Variants in SLC6A16 observed in about 807,000 individuals in gnomAD.
SLC6A16 encodes the protein solute carrier family 6 member 16.
SLC6A16 carries 54 observed loss-of-function variants against 65.4 expected under a neutral mutation model. The observed-to-expected ratio is 0.83, with a 90% CI of 0.66 to 1.04. The LOEUF is 1.04. Ranked by LOEUF, SLC6A16 falls within the 50% of genes least tolerant of loss-of-function variation. The pLI is 0.00. For synonymous variants in SLC6A16, 330 were observed against 346.5 expected, an observed-to-expected ratio of 0.95 and a Z score of 0.53; for missense variants, 816 against 914.0, an observed-to-expected ratio of 0.89 and a Z score of 1.38.
rs1600601972 is a variant in SLC6A16, at chr19:49,290,903, T to C, written c.1779-136A>G. 61 of 773,318 alleles carry C rather than the reference T, an allele frequency of 7.9e-5. 2 individuals carry two copies. The South Asian group carries it at 1.2e-3, about 15-fold the overall frequency. 47.9% of individuals were successfully genotyped at this position (773,318 alleles called of 1,614,324 possible). On this transcript the variant is annotated intron_variant, in intron 10 of 11. Transcript: ENST00000335875. ...CTGTTTCATCTCAAGTCTTGTCCTC[T>C]CTCATCTTCCCCCTAGTCAGTCTGT...
the SLC6A16 span, chr19:49,340,328 G>T: frequency 6.2e-7 from 1 of 1,609,960 alleles, no homozygotes; most frequent in Non-Finnish European, 8.5e-7. Flanking sequence ...GATACCGTTA[G>T]GCCCCGCCCT....
At chr19:49,331,801 G>A in the SLC6A16 span, 1 of 457,300 alleles carries the variant, frequency 2.2e-6, no homozygotes, top group Non-Finnish European at 4.4e-6. Flanking sequence ...TTCACTGCAA[G>A]GAGACCTGGG....
At chr19:49,301,033 A>G (rs1191518776) in intron 7 of SLC6A16, among the ~76,000 whole-genome samples, 1 of 152,212 alleles carries the variant, frequency 6.6e-6, no homozygotes, top group Non-Finnish European at 1.5e-5. Flanking sequence ...CCTGGAAGTC[A>G]GCGAGACTCC....
At chr19:49,303,253 A>T (rs965231482) in intron 7 of SLC6A16, among the ~76,000 whole-genome samples, 3 of 152,248 alleles carry the variant, frequency 2.0e-5, no homozygotes, top group African/African-American at 7.2e-5. Context: ...GAGCCCCAGT[A>T]CAAGTATCGA....
At chr19:49,336,645 G>A in the SLC6A16 span, 1 of 438,464 alleles carries the variant, frequency 2.3e-6, no homozygotes. Flanking sequence ...AAGTGATAGG[G>A]CTGAAACTAC....
the SLC6A16 span, chr19:49,339,551 C>T: frequency 2.0e-6 from 3 of 1,476,404 alleles, no homozygotes; most frequent in African/African-American, 4.2e-5. The surrounding 1 kb of genome is among the most constrained non-coding windows in gnomAD (Gnocchi z 4.5). Flanking sequence ...CGCCGCTCCA[C>T]CCAGCACCGG....
intron 7 of SLC6A16, among the ~76,000 whole-genome samples, chr19:49,298,647 A>G (rs1346461817): frequency 6.6e-6 from 1 of 152,156 alleles, no homozygotes; most frequent in Non-Finnish European, 1.5e-5. Flanking sequence ...CAGTTTGGAG[A>G]TTTCTCAAAT....
At chr19:49,338,040 C>T in the SLC6A16 span, 4 of 1,613,046 alleles carry the variant, frequency 2.5e-6, no homozygotes, top group South Asian at 1.1e-5. The surrounding 1 kb of genome is among the most constrained non-coding windows in gnomAD (Gnocchi z 5.0). Context: ...GTAAGCCCCC[C>T]TCCTCCAGTT....
upstream of SLC6A16, among the ~76,000 whole-genome samples, chr19:49,326,511 G>A (rs1408286686): frequency 6.6e-6 from 1 of 152,154 alleles, no homozygotes; most frequent in East Asian, 1.9e-4. Context: ...AAGAGATGAA[G>A]AGGAAATTTT....
chr19:49,337,647 A>G, the SLC6A16 span: 1 of 1,511,680 alleles, frequency 6.6e-7, no homozygotes, highest in Non-Finnish European at 8.8e-7. Flanking sequence ...GACCTGGACC[A>G]AGGGAGACAG....
chr19:49,338,261 G>A, the SLC6A16 span: 5 of 1,200,798 alleles, frequency 4.2e-6, no homozygotes, highest in Admixed American at 9.5e-5. The surrounding 1 kb of genome is among the most constrained non-coding windows in gnomAD (Gnocchi z 5.0). Context: ...GAGAGACTCC[G>A]CCCCCGCCCC....
At chr19:49,319,469 G>GTA (rs1970672432) in intron 1 of SLC6A16, among the ~76,000 whole-genome samples, 1 of 149,934 alleles carries the variant, frequency 6.7e-6, no homozygotes, top group Non-Finnish European at 1.5e-5. Flanking sequence ...ATGTGTATAT[G>GTA]TGTATATGTA....
Position 49,289,946 on chromosome 19 carries a change from T to C in SLC6A16, c.*177A>G. 1.6e-6 allele frequency: 1 copy of C among 624,638 alleles called. No homozygotes were observed. Among genetic ancestry groups the C allele is most frequent in the Non-Finnish European group, 2.8e-6 (1 of 359,328 alleles). 38.7% of individuals were successfully genotyped at this position (624,638 alleles called of 1,614,324 possible). On this transcript the variant is annotated 3_prime_UTR_variant, in exon 12 of 12. Coordinates refer to ENST00000335875, the MANE Select transcript of SLC6A16 (RefSeq NM_014037.3). The stretch of plus-strand genomic sequence containing the variant: ...CAATGATGGTGGTCACCAGGTAAGA[T>C]GGGACCCAGGAAGGGATTGCAAGTC...
chr19:49,320,424 C>CAAA (rs143022215), intron 1 of SLC6A16, among the ~76,000 whole-genome samples: 247 of 138,568 alleles, frequency 1.8e-3, no homozygotes, highest in Non-Finnish European at 2.6e-3. Context: ...AACAAACAAA[C>CAAA]AAACAAAAAA....
At chr19:49,304,171 G>A (rs1345320614) in intron 7 of SLC6A16, among the ~76,000 whole-genome samples, 2 of 152,226 alleles carry the variant, frequency 1.3e-5, no homozygotes, top group Non-Finnish European at 2.9e-5. Flanking sequence ...AAGAGGAAAT[G>A]TGAACGTTAT....
rs570807626 is a variant in SLC6A16 at position 49,310,850 on chromosome 19, A to C, written c.415+83T>G. ...CAGGTCTTTAGTCTCTACATATCTC[A>C]GAAACATTCATGGTTAAAGCCTGGA... On this transcript the variant is annotated intron_variant, in intron 2 of 11. Transcript: ENST00000335875. 461 of 1,094,444 alleles carry C rather than the reference A, an allele frequency of 4.2e-4. 1 individual carries two copies. The highest frequency in any genetic ancestry group is 9.9e-4 in the South Asian group (66 of 66,954). The allele number at this position is 1,094,444 out of a possible 1,614,324, so 67.8% of individuals were successfully genotyped here. A position where few individuals can be genotyped will look rare whatever the true frequency, so the allele number is the denominator to read the frequency against.
At chr19:49,310,558 G>C (rs1417345249) in intron 2 of SLC6A16, 48 bp from the exon 3 acceptor site, 37 of 1,606,948 alleles carry the variant, frequency 2.3e-5, no homozygotes, top group Non-Finnish European at 3.2e-5. Context: ...TGGCCTTTCA[G>C]TGCCTGGACT....
At chr19:49,333,333 C>A in the SLC6A16 span, among the ~76,000 whole-genome samples, 8 of 150,494 alleles carry the variant, frequency 5.3e-5, no homozygotes, top group Non-Finnish European at 1.2e-4. Context: ...ATTAGCCGGG[C>A]GTAGTGGGTC....
rs372514145 is a variant in SLC6A16, at chr19:49,309,675, G to C, written c.852C>G (p.Ile284Met). The C allele has an allele frequency of 1.7e-5, 27 of 1,613,852 alleles. No individual in the cohort carries two copies. The highest frequency in any genetic ancestry group is 2.3e-5 in the Non-Finnish European group (27 of 1,179,886). The change falls in exon 5 of 12, where the codon ATC (isoleucine) becomes ATG (methionine). Residue 284 changes from isoleucine (I) to methionine (M), a missense_variant. By Grantham distance (10) the Ile-to-Met change is conservative. Transcript: ENST00000335875. ...CCTTCCCAGTGGACTTGAGCCCATT[G>C]ATCATGAAAGCACCAACAAGACACC... ...LCWCLVGAFM[I>M]NGLKSTGKVI... is the part of the protein sequence containing the mutation.
Sources: gnomAD v4.1 joint callset for allele counts (sites outside exome capture counted in the v4.1 genomes callset) on GRCh38, gnomAD v4.1.1 for gene constraint, Gnocchi (gnomAD v3.1) non-coding constraint, MANE v1.5 for transcripts, NCBI Gene and HGNC (gene_info 2026-07-23, HGNC 2026-07-21) for gene names.